The following PSMD1 variants were observed in gnomAD, a reference collection of about 807,000 sequenced individuals.
PSMD1 encodes the protein proteasome 26S subunit, non-ATPase 1, also known as 26S proteasome non-ATPase regulatory subunit 1.
A neutral mutation model predicts 119.0 loss-of-function variants in PSMD1; 18 were observed. That is an observed-to-expected ratio of 0.15 (90% CI 0.10 to 0.22). The LOEUF (loss-of-function observed/expected upper bound fraction) is 0.22, where lower values mean the gene tolerates loss of function less well. PSMD1 is among the 10% of genes least tolerant of loss of function. PSMD1 has a pLI of 1.00. For synonymous variants in PSMD1, 374 were observed against 396.6 expected (o/e 0.94, Z 0.68); for missense variants, 702 against 1,158.5 (o/e 0.61, Z 5.72).
rs572687133 is a variant in PSMD1 at position 231,060,072 on chromosome 2, G to C, written c.17-1195G>C. Among the ~76,000 whole-genome samples, 63 of 152,304 alleles carry C rather than the reference G, an allele frequency of 4.1e-4. No homozygotes were observed. The South Asian group carries it at 5.8e-3, about 14-fold the overall frequency. ...TAGTATTAAGTGTTCTGTTATTTAA[G>C]ATCTGTTCTACATTTAAAGCATTCT... On this transcript the variant is annotated intron_variant, in intron 1 of 24. Transcript: ENST00000308696.
intron 5 of PSMD1, 124 bp from the exon 6 acceptor site, chr2:231,069,901 A>T: frequency 1.5e-6 from 1 of 680,028 alleles, no homozygotes; most frequent in Non-Finnish European, 2.1e-6. Context: ...TGTATTGCTT[A>T]AGAGGTCTAA....
intron 16 of PSMD1, among the ~76,000 whole-genome samples, chr2:231,121,503 T>G (rs991833494): frequency 3.2e-4 from 49 of 152,262 alleles, no homozygotes; most frequent in Non-Finnish European, 8.8e-5. Context: ...TTGGGTTTTC[T>G]GCTAACTTGT....
intron 1 of PSMD1, among the ~76,000 whole-genome samples, chr2:231,057,292 C>CCCCAAG (rs1467603381): frequency 1.3e-5 from 2 of 152,132 alleles, no homozygotes; most frequent in Admixed American, 6.5e-5. Context: ...AGCGCCAGGA[C>CCCCAAG]CCGAGGGGCT....
At chr2:231,085,523 C>T (rs949082435) in intron 15 of PSMD1, among the ~76,000 whole-genome samples, 3 of 152,200 alleles carry the variant, frequency 2.0e-5, no homozygotes, top group Non-Finnish European at 4.4e-5. Flanking sequence ...GGTGCAGTGG[C>T]TCATGCCTGT....
chr2:231,118,604 C>G (rs1210713613), intron 16 of PSMD1, among the ~76,000 whole-genome samples: 1 of 151,994 alleles, frequency 6.6e-6, no homozygotes, highest in Non-Finnish European at 1.5e-5. Context: ...TTTTTGCTTT[C>G]TTTTGAATTA....
intron 16 of PSMD1, among the ~76,000 whole-genome samples, chr2:231,133,791 A>G (rs1266452003): frequency 6.6e-6 from 1 of 152,220 alleles, no homozygotes; most frequent in African/African-American, 2.4e-5. Context: ...TAGTGATTTA[A>G]TGTTGAGGTT....
At chr2:231,074,037 A>C (rs536161987) in intron 7 of PSMD1, among the ~76,000 whole-genome samples, 1 of 152,186 alleles carries the variant, frequency 6.6e-6, no homozygotes, top group East Asian at 1.9e-4. Flanking sequence ...TAGAATTCCC[A>C]ATACTTACAG....
chr2:231,101,415 C>T (rs1235113343), intron 16 of PSMD1, among the ~76,000 whole-genome samples: 1 of 152,084 alleles, frequency 6.6e-6, no homozygotes, highest in Non-Finnish European at 1.5e-5. Flanking sequence ...CCTGACCGGT[C>T]TCCTACAATC....
At chr2:231,137,009 ATT>A (rs1239227759) in intron 16 of PSMD1, among the ~76,000 whole-genome samples, 1 of 144,740 alleles carries the variant, frequency 6.9e-6, no homozygotes, top group African/African-American at 2.5e-5. Flanking sequence ...AATAATATAT[ATT>A]GTGTTATATA....
intron 18 of PSMD1, among the ~76,000 whole-genome samples, chr2:231,149,625 T>G (rs1696328448): frequency 6.6e-6 from 1 of 152,250 alleles, no homozygotes; most frequent in African/African-American, 2.4e-5. Flanking sequence ...CAGGAAAGCT[T>G]CTCCTATCAT....
chr2:231,090,577 TAAA>T (rs1694566878), intron 16 of PSMD1, among the ~76,000 whole-genome samples: 1 of 151,940 alleles, frequency 6.6e-6, no homozygotes, highest in Admixed American at 6.6e-5. Flanking sequence ...AAATAATAAA[TAAA>T]AAAGACTAGC....
At chr2:231,161,101 A>G (rs1696628644) in intron 19 of PSMD1, among the ~76,000 whole-genome samples, 1 of 152,014 alleles carries the variant, frequency 6.6e-6, no homozygotes. Context: ...AGTCCTAGCT[A>G]CTCGGGAGGC....
At chr2:231,077,311 A>G (rs1012051923) in intron 9 of PSMD1, 149 bp downstream of exon 9, 4 of 642,050 alleles carry the variant, frequency 6.2e-6, no homozygotes, top group Admixed American at 4.1e-5. Flanking sequence ...ATAGCAATCA[A>G]TTATCCTCTT....
rs1020013182 is a variant in PSMD1 at position 231,101,228 on chromosome 2, A to G, written c.1883+14047A>G. ...TGATCAAAGGTTAGTGTCTGGAGAC[A>G]GGAATAAACAAATTTATCTAGATAA... On this transcript the variant is annotated intron_variant, in intron 16 of 24. Coordinates refer to ENST00000308696, the MANE Select transcript of PSMD1 (RefSeq NM_002807.4). Among the ~76,000 whole-genome samples the G allele has an allele frequency of 3.9e-5, 6 of 152,220 alleles. No homozygotes were observed. The South Asian group carries it at 1.0e-3, about 26-fold the overall frequency.
At chr2:231,130,688 G>T (rs904307024) in intron 16 of PSMD1, among the ~76,000 whole-genome samples, 2 of 152,086 alleles carry the variant, frequency 1.3e-5, no homozygotes, top group Non-Finnish European at 2.9e-5. Flanking sequence ...GAACTCCAGG[G>T]TTCATGCAAT....
intron 16 of PSMD1, among the ~76,000 whole-genome samples, chr2:231,090,535 G>A (rs1694565936): frequency 6.6e-6 from 1 of 152,124 alleles, no homozygotes; most frequent in Admixed American, 6.6e-5. Context: ...CTCCATCCTG[G>A]GCGACAAAGC....
intron 1 of PSMD1, 66 bp downstream of exon 1, chr2:231,057,107 C>A: frequency 6.9e-7 from 1 of 1,442,564 alleles, no homozygotes; most frequent in South Asian, 1.4e-5. Flanking sequence ...TTAGCTGAGT[C>A]AGGGCCGGTG....
intron 19 of PSMD1, among the ~76,000 whole-genome samples, chr2:231,159,905 G>C (rs139757515): frequency 6.6e-6 from 1 of 152,196 alleles, no homozygotes; most frequent in Non-Finnish European, 1.5e-5. Context: ...GATCCCTCGC[G>C]TGCGCGGTTC....
At chr2:231,162,872 TG>T (rs1696674340) in intron 20 of PSMD1, among the ~76,000 whole-genome samples, 1 of 144,936 alleles carries the variant, frequency 6.9e-6, no homozygotes, top group Non-Finnish European at 1.5e-5. Context: ...CCGAGGCGGG[TG>T]GATCACGAGG....
Sources: allele counts gnomAD v4.1 joint callset (sites outside exome capture counted in the v4.1 genomes callset), GRCh38; gene constraint gnomAD v4.1.1; transcripts MANE v1.5; gene names NCBI Gene and HGNC (gene_info 2026-07-23, HGNC 2026-07-21).